Variants in WDSUB1 observed in about 807,000 individuals in gnomAD.
WDSUB1 encodes the protein WD repeat, SAM and U-box domain-containing protein 1.
WDSUB1 carries 49 observed loss-of-function variants against 53.9 expected under a neutral mutation model. The observed-to-expected ratio is 0.91, with a 90% CI of 0.72 to 1.15. WDSUB1 has a LOEUF of 1.15. WDSUB1 is among the 50% of genes most tolerant of loss of function. WDSUB1 has a pLI of 0.00. For missense variants in WDSUB1, 514 were observed against 562.0 expected (o/e 0.91, Z 0.86); for synonymous variants, 194 against 200.6 (o/e 0.97, Z 0.28).
intron 5 of WDSUB1, among the ~76,000 whole-genome samples, chr2:159,270,165 A>T (rs1186622364): frequency 1.3e-5 from 2 of 152,226 alleles, no homozygotes; most frequent in Non-Finnish European, 2.9e-5. Context: ...CATCTTTTAT[A>T]TACTAACAAG....
chr2:159,257,285 A>G (rs544225742), intron 8 of WDSUB1, among the ~76,000 whole-genome samples: 1 of 152,250 alleles, frequency 6.6e-6, no homozygotes, highest in East Asian at 1.9e-4. Context: ...TATAAGTGTG[A>G]GCCACCATGC....
At chr2:159,264,823 T>C (rs1028878343) in intron 5 of WDSUB1, among the ~76,000 whole-genome samples, 4 of 152,098 alleles carry the variant, frequency 2.6e-5, no homozygotes, top group Non-Finnish European at 5.9e-5. Flanking sequence ...GTGGTTCACA[T>C]TTCTAATCAC....
At chr2:159,250,513 G>A (rs953464550) in intron 9 of WDSUB1, among the ~76,000 whole-genome samples, 3 of 152,192 alleles carry the variant, frequency 2.0e-5, no homozygotes, top group Non-Finnish European at 2.9e-5. Flanking sequence ...CACAGTGTTA[G>A]CTGATCACCA....
At chr2:159,261,888 ATATATATATTTTTTTTTTTTTTTTTTTTT>A (rs1558856650) in intron 5 of WDSUB1, among the ~76,000 whole-genome samples, 12 of 14,268 alleles carry the variant, frequency 8.4e-4, no homozygotes, top group African/African-American at 3.9e-3. Context: ...ATATATATAT[ATATATATATTTTTTTTTTTTTTTTTTTTT>A]TTTTTTTTTT....
At chr2:159,240,704 A>G (rs1444166681) in intron 10 of WDSUB1, among the ~76,000 whole-genome samples, 2 of 152,230 alleles carry the variant, frequency 1.3e-5, no homozygotes, top group African/African-American at 4.8e-5. Context: ...AAACTGAGGT[A>G]TGGCCTGAAT....
At chr2:159,280,498 C>T (rs1398724711) in intron 2 of WDSUB1, among the ~76,000 whole-genome samples, 6 of 150,444 alleles carry the variant, frequency 4.0e-5, no homozygotes, top group Admixed American at 6.6e-5. Context: ...GAGACCATCC[C>T]GGCTAAAACG....
At chr2:159,271,320 A>G (rs1256455951) in intron 5 of WDSUB1, among the ~76,000 whole-genome samples, 1 of 152,214 alleles carries the variant, frequency 6.6e-6, no homozygotes, top group Non-Finnish European at 1.5e-5. Flanking sequence ...ATTAAAATGA[A>G]CTATTATATA....
chr2:159,283,866 G>A (rs184622917), intron 1 of WDSUB1, among the ~76,000 whole-genome samples: 134 of 152,302 alleles, frequency 8.8e-4, no homozygotes, highest in Non-Finnish European at 1.8e-3. Flanking sequence ...CCAAGCTTGA[G>A]TGCAGTGGCA....
chr2:159,236,698 C>A (rs539187380), intron 10 of WDSUB1, among the ~76,000 whole-genome samples: 1 of 152,242 alleles, frequency 6.6e-6, no homozygotes, highest in South Asian at 2.1e-4. Flanking sequence ...CACACTGTTG[C>A]CCAGGCTGGC....
chr2:159,279,174 A>C (rs1172102844), intron 3 of WDSUB1, among the ~76,000 whole-genome samples: 1 of 152,220 alleles, frequency 6.6e-6, no homozygotes, highest in Non-Finnish European at 1.5e-5. Flanking sequence ...CAAAAGCTAC[A>C]GAACTCCCAT....
intron 10 of WDSUB1, among the ~76,000 whole-genome samples, chr2:159,243,755 C>T (rs760213080): frequency 6.6e-6 from 1 of 152,042 alleles, no homozygotes; most frequent in Non-Finnish European, 1.5e-5. Context: ...TATACCTTCT[C>T]CTAGGAATAT....
chr2:159,244,149 C>T (rs970901390), intron 10 of WDSUB1, among the ~76,000 whole-genome samples: 3 of 152,026 alleles, frequency 2.0e-5, no homozygotes, highest in African/African-American at 7.2e-5. Flanking sequence ...AATGCTTTCC[C>T]TCTAAGTGCA....
At chr2:159,273,017 C>G (rs2061473202) in intron 4 of WDSUB1, among the ~76,000 whole-genome samples, 1 of 152,054 alleles carries the variant, frequency 6.6e-6, no homozygotes, top group African/African-American at 2.4e-5. Context: ...CACAATAAAA[C>G]CTTTTTTGAA....
rs1358305662 is a variant in WDSUB1, at chr2:159,242,578, TGAG to T, written c.1273+5791_1273+5793del. On this transcript the variant is annotated intron_variant, in intron 10 of 10. Coordinates refer to ENST00000359774, the MANE Select transcript of WDSUB1 (RefSeq NM_001128212.3). The stretch of plus-strand genomic sequence containing the variant: ...TCTGAGGCAGGAGAATCGCTTGAAC[TGAG>T]GAGGCAGAGGTTGCAGTGAGCCAAG... Among the ~76,000 whole-genome samples the T allele has an allele frequency of 3.4e-5, 5 of 147,534 alleles. 1 individual carries two copies. The East Asian group carries it at 1.1e-3, about 32-fold the overall frequency.
At chr2:159,275,019 G>C (rs2061511533) in intron 4 of WDSUB1, among the ~76,000 whole-genome samples, 1 of 152,132 alleles carries the variant, frequency 6.6e-6, no homozygotes, top group Admixed American at 6.5e-5. Context: ...AGAAAAGAGA[G>C]AGAAATGTGG....
At chr2:159,261,896 ATTTTTTTTTTTTTTT>A (rs869067609) in intron 5 of WDSUB1, among the ~76,000 whole-genome samples, 384 of 22,498 alleles carry the variant, frequency 0.017, 9 homozygotes, top group Admixed American at 0.029. Context: ...ATATATATAT[ATTTTTTTTTTTTTTT>A]TTTTTTTTTT....
At chr2:159,247,038 CCCTATTACACTCTTTGCTGCCAGGTTTT>C (rs1379219191) in intron 10 of WDSUB1, among the ~76,000 whole-genome samples, 1 of 152,102 alleles carries the variant, frequency 6.6e-6, no homozygotes, top group Non-Finnish European at 1.5e-5. Context: ...TGAGACAGAA[CCCTATTACACTCTTTGCTGCCAGGTTTT>C]CCTAAGATTC....
At position 159,271,761 on chromosome 2, in the gene WDSUB1, C is replaced by A; in HGVS notation, c.711G>T (p.Gly237=). 1 of 1,614,070 alleles carries A rather than the reference C, an allele frequency of 6.2e-7. No homozygotes were observed. Among genetic ancestry groups the A allele is most frequent in the Non-Finnish European group, 8.5e-7 (1 of 1,179,958 alleles). ...FELKYKSTLS[G]HCAPVLACAF... ...CACAAGCCAGAACAGGAGCACAGTG[C>A]CCACTCAGTGTACTTTTATATTTTA... Residue 237 remains glycine (G), a synonymous_variant, in exon 5 of 11, where the codon GGG becomes GGT. Transcript: ENST00000359774.
rs1559531750 is a variant in WDSUB1, at chr2:159,247,896, T to TATATATATAAATATATATATATATAA, written c.1273+475_1273+476insTTATATATATATATATTTATATATAT. Reference sequence around the variant, plus strand: ...GGCCAAAATTAAATAAATATATATATATATATATATATAAATATATATATA... The same window carrying TATATATATAAATATATATATATATAA: ...GGCCAAAATTAAATAAATATATATATATATATATAAATATATATATATATAAATATATATATATAAATATATATATA... On this transcript the variant is annotated intron_variant, in intron 10 of 10. Transcript: ENST00000359774. Among the ~76,000 whole-genome samples, 6 of 53,984 alleles carry TATATATATAAATATATATATATATAA rather than the reference T, an allele frequency of 1.1e-4. No individual in the cohort carries two copies. In the South Asian group the frequency reaches 2.2e-3, roughly 20 times the overall value. 35.4% of individuals were successfully genotyped at this position (53,984 alleles called of 152,430 possible).
Sources: allele counts gnomAD v4.1 joint callset (sites outside exome capture counted in the v4.1 genomes callset), GRCh38; gene constraint gnomAD v4.1.1; transcripts MANE v1.5; gene names NCBI Gene and HGNC (gene_info 2026-07-23, HGNC 2026-07-21).